The following SLC15A4 variants were observed in gnomAD, a reference collection of about 807,000 sequenced individuals.
SLC15A4 encodes the protein hPHT1.
Under a neutral mutation model 46.1 loss-of-function variants are expected in SLC15A4, and 26 were observed. The ratio of observed to expected loss-of-function variants is 0.56; its 90% CI spans 0.41 to 0.78. SLC15A4 has a LOEUF of 0.78. SLC15A4 is among the 30% of genes least tolerant of loss of function. The probability of loss-of-function intolerance (pLI) is 0.00; values close to 1 mark genes in which losing one functional copy is unlikely to be tolerated. For synonymous variants in SLC15A4, 370 were observed against 333.4 expected (o/e 1.11, Z -1.20); for missense variants, 751 against 755.7 (o/e 0.99, Z 0.07).
intron 7 of SLC15A4, among the ~76,000 whole-genome samples, chr12:128,795,813 G>A (rs1045468563): frequency 6.6e-5 from 10 of 152,216 alleles, no homozygotes; most frequent in African/African-American, 2.4e-4. Flanking sequence ...CACCACGGCT[G>A]CTCCTGCCAC....
intron 7 of SLC15A4, among the ~76,000 whole-genome samples, chr12:128,795,317 C>CT (rs936012711): frequency 1.3e-5 from 2 of 152,166 alleles, no homozygotes; most frequent in African/African-American, 4.8e-5. Flanking sequence ...CCTCTGCATA[C>CT]TTTAATACAA....
At chr12:128,815,136 C>A in intron 1 of SLC15A4, 66 bp from the exon 2 acceptor site, 1 of 1,432,852 alleles carries the variant, frequency 7.0e-7, no homozygotes, top group Non-Finnish European at 9.6e-7. Context: ...AAACCATATA[C>A]GGTCAAGTGG....
At chr12:128,809,001 G>A (rs763880633) in intron 4 of SLC15A4, 45 bp from the exon 5 acceptor site, 1 of 1,567,100 alleles carries the variant, frequency 6.4e-7, no homozygotes, top group South Asian at 1.2e-5. Context: ...CGCAATACAG[G>A]CCATCACCTG....
chr12:128,800,063 G>A (rs890218616), intron 6 of SLC15A4, among the ~76,000 whole-genome samples: 2 of 152,008 alleles, frequency 1.3e-5, no homozygotes, highest in African/African-American at 2.4e-5. Flanking sequence ...GGCTGGTCTC[G>A]AACTCCTGAC....
intron 7 of SLC15A4, among the ~76,000 whole-genome samples, chr12:128,795,137 T>C (rs1225175381): frequency 1.3e-5 from 2 of 152,100 alleles, no homozygotes; most frequent in Non-Finnish European, 2.9e-5. Flanking sequence ...GATTGCACTA[T>C]GACACAGCCT....
At chr12:128,798,256 C>T (rs377697584) in intron 7 of SLC15A4, among the ~76,000 whole-genome samples, 4 of 152,302 alleles carry the variant, frequency 2.6e-5, no homozygotes, top group Middle Eastern at 3.4e-3. Context: ...TCTTATTCCT[C>T]GGGCTGTTCA....
chr12:128,807,999 T>G (rs1474520519), intron 5 of SLC15A4, among the ~76,000 whole-genome samples: 6 of 152,248 alleles, frequency 3.9e-5, no homozygotes, highest in Non-Finnish European at 8.8e-5. Flanking sequence ...TAACACTGAA[T>G]TCCTCATGAC....
intron 2 of SLC15A4, chr12:128,814,500 C>T (rs376801020): frequency 1.8e-5 from 7 of 393,574 alleles, no homozygotes; most frequent in Admixed American, 4.1e-5. Flanking sequence ...TAATCTGGCA[C>T]CAAAGGAGCT....
At chr12:128,820,224 G>C (rs148385205) in intron 1 of SLC15A4, among the ~76,000 whole-genome samples, 6 of 152,166 alleles carry the variant, frequency 3.9e-5, no homozygotes, top group Non-Finnish European at 8.8e-5. Flanking sequence ...ATTACGGAAC[G>C]CACGCACACT....
chr12:128,817,444 T>C (rs906480636), intron 1 of SLC15A4, among the ~76,000 whole-genome samples: 1 of 152,168 alleles, frequency 6.6e-6, no homozygotes, highest in Non-Finnish European at 1.5e-5. Context: ...CCAGTAAACA[T>C]AGTATATAAA....
At chr12:128,809,704 C>G (rs1955632020) in intron 3 of SLC15A4, 1 of 544,756 alleles carries the variant, frequency 1.8e-6, no homozygotes, top group Non-Finnish European at 3.2e-6. Context: ...ATTACATTAA[C>G]AAGAGGGGCC....
chr12:128,817,529 C>T (rs1237246225), intron 1 of SLC15A4, among the ~76,000 whole-genome samples: 1 of 151,882 alleles, frequency 6.6e-6, no homozygotes, highest in East Asian at 1.9e-4. Flanking sequence ...ACACTGCACA[C>T]ACCTTCCCAC....
chr12:128,799,181 C>T, intron 7 of SLC15A4, 78 bp downstream of exon 7: 2 of 1,541,226 alleles, frequency 1.3e-6, no homozygotes, highest in Admixed American at 1.7e-5. Flanking sequence ...AACACCTCCG[C>T]TCACTCAGCC....
At position 128,823,435 on chromosome 12, in the gene SLC15A4, G is replaced by A. The variant is rs1955879322; in HGVS notation, c.509C>T (p.Thr170Ile). The stretch of plus-strand genomic sequence containing the variant: ...GAAGGGCGTGATGTTGGCCTTGACG[G>A]TGGCCACGCCCAGGCCCACCAGCAC... ...GLVLVGLGVA[T>I]VKANITPFGA... Residue 170 changes from threonine (T) to isoleucine (I), a missense_variant, in exon 1 of 8, where the codon ACC (threonine) becomes ATC (isoleucine). Thr to Ile is a moderately conservative substitution (Grantham distance 89, BLOSUM62 -1). Transcript: ENST00000266771. 1.4e-6 allele frequency: 2 copies of A among 1,461,434 alleles called. No individual in the cohort carries two copies. Among genetic ancestry groups the A allele is most frequent in the Non-Finnish European group, 1.8e-6 (2 of 1,114,370 alleles). The allele number at this position is 1,461,434 out of a possible 1,614,324, so 90.5% of individuals were successfully genotyped here. A position where few individuals can be genotyped will look rare whatever the true frequency, so the allele number is the denominator to read the frequency against.
rs771022935 is a variant in SLC15A4, at chr12:128,808,778, T to A, written c.1258+10A>T. 1.2e-5 allele frequency: 20 copies of A among 1,613,814 alleles called. No individual in the cohort carries two copies. The highest frequency in any genetic ancestry group is 1.7e-5 in the Non-Finnish European group (20 of 1,179,866). ...GGGCCTGAGGAGGAACGGAGCAGAATGCCTCTTACCTGCAGCAAAGGCCGA... is the reference window on the plus strand; with the variant it reads ...GGGCCTGAGGAGGAACGGAGCAGAAAGCCTCTTACCTGCAGCAAAGGCCGA... On this transcript the variant is annotated intron_variant, in intron 5 of 7. Coordinates refer to ENST00000266771, the MANE Select transcript of SLC15A4 (RefSeq NM_145648.4).
chr12:128,804,310 A>G (rs915408717), intron 5 of SLC15A4, among the ~76,000 whole-genome samples: 18 of 152,288 alleles, frequency 1.2e-4, no homozygotes, highest in African/African-American at 4.1e-4. Flanking sequence ...CAGTTTCAAT[A>G]TTCACAGAAA....
chr12:128,802,302 G>A (rs929968659), intron 5 of SLC15A4, among the ~76,000 whole-genome samples: 3 of 152,194 alleles, frequency 2.0e-5, no homozygotes, highest in Admixed American at 2.0e-4. Flanking sequence ...GCAGCTGACA[G>A]CAACCATAGC....
chr12:128,806,407 A>G (rs2135711586), intron 5 of SLC15A4, among the ~76,000 whole-genome samples: 1 of 152,246 alleles, frequency 6.6e-6, no homozygotes, highest in South Asian at 2.1e-4. Context: ...AAAATCATTT[A>G]TTATGGGTGT....
At chr12:128,795,588 C>T (rs541397586) in intron 7 of SLC15A4, among the ~76,000 whole-genome samples, 77 of 152,332 alleles carry the variant, frequency 5.1e-4, no homozygotes, top group Middle Eastern at 3.4e-3. Flanking sequence ...GCTAGCAACA[C>T]GTGCCACGGT....
Sources: allele counts gnomAD v4.1 joint callset (sites outside exome capture counted in the v4.1 genomes callset), GRCh38; gene constraint gnomAD v4.1.1; transcripts MANE v1.5; gene names NCBI Gene and HGNC (gene_info 2026-07-23, HGNC 2026-07-21).